The following POU5F1 variants were observed in gnomAD, a reference collection of about 807,000 sequenced individuals.
The protein encoded by POU5F1 is POU class 5 homeobox 1, also known as POU domain, class 5, transcription factor 1.
Under a neutral mutation model 38.3 loss-of-function variants are expected in POU5F1, and 6 were observed. That is an observed-to-expected ratio of 0.16 (90% CI 0.09 to 0.31). The LOEUF is 0.31. POU5F1 is among the 10% of genes least tolerant of loss of function. The pLI is 1.00. For synonymous variants in POU5F1, 147 were observed against 194.9 expected (o/e 0.75, Z 2.05); for missense variants, 286 against 462.6 (o/e 0.62, Z 3.50).
rs576269255 is a variant in POU5F1 at position 31,168,326 on chromosome 6, C to T, written c.405+1890G>A. Among the ~76,000 whole-genome samples, 8 of 151,798 alleles carry T rather than the reference C, an allele frequency of 5.3e-5. No homozygotes were observed. In the South Asian group the frequency reaches 8.4e-4, roughly 16 times the overall value. ...TCTCGGCTCACCGCAACCTCCATCT[C>T]CCAGGTTCAAGCGATTCTCCTGCCT... On this transcript the variant is annotated intron_variant, in intron 1 of 4. Transcript: ENST00000259915.
chr6:31,166,412 G>A (rs770180344), intron 1 of POU5F1: 2 of 1,375,880 alleles, frequency 1.5e-6, no homozygotes, highest in South Asian at 1.2e-5. Context: ...TATAATTCCA[G>A]CACTTTGGGA....
rs372831372 is a variant in POU5F1, at chr6:31,167,994, G to A, written c.406-1947C>T. On this transcript the variant is annotated intron_variant, in intron 1 of 4. Coordinates refer to ENST00000259915, the MANE Select transcript of POU5F1 (RefSeq NM_002701.6). ...ATCTCGTTCTATCGCCCAGGCTGGA[G>A]TGCTGTGGCGTGATCTTGGCTCACT... is the stretch of plus-strand genomic sequence containing the variant. Among the ~76,000 whole-genome samples, 3 of 152,118 alleles carry A rather than the reference G, an allele frequency of 2.0e-5. No homozygotes were observed. The East Asian group carries it at 5.8e-4, about 29-fold the overall frequency.
rs1208076129 is a variant in POU5F1, at chr6:31,164,861, G to A, written c.823C>T (p.Arg275Ter). The A allele has an allele frequency of 3.7e-6, 6 of 1,611,582 alleles. No individual in the cohort carries two copies. The Admixed American group carries it at 6.7e-5, about 18-fold the overall frequency. ...QQLGLEKDVV[R>*]VWFCNRRQKG... Reference sequence around the variant, plus strand: ...TGGCGCCGGTTACAGAACCACACTCGGACCACCTGCAAGTGAATGACAGAA... The same window carrying A: ...TGGCGCCGGTTACAGAACCACACTCAGACCACCTGCAAGTGAATGACAGAA... The change falls in exon 5 of 5, where the codon CGA (arginine) becomes TGA (stop). Residue 275 changes from arginine (R) to a stop codon, truncating the protein, a stop_gained. Transcript: ENST00000259915. LOFTEE classifies it high-confidence loss of function.
rs117585298 is a variant in POU5F1, at chr6:31,170,558, C to T, written c.63G>A (p.Gly21=). The T allele has an allele frequency of 5.2e-3, 8,165 of 1,569,662 alleles. 302 individuals are homozygous for T. The East Asian group carries it at 0.093, about 18-fold the overall frequency. ...CCCAGCCCGGCTCCGGCCCCCCTGG[C>T]CCATCACCTCCACCACCTGGAGGGG... The part of the protein sequence containing the change: ...FSPPPGGGGD[G]PGGPEPGWVD... The change falls in exon 1 of 5, where the codon GGG becomes GGA. Residue 21 remains glycine, a synonymous_variant. Transcript: ENST00000259915.
In POU5F1 at chr6:31,165,137, G is replaced by A. The variant is rs772966815; in HGVS notation, c.807C>T (p.Leu269=). 90 of 1,608,418 alleles carry A rather than the reference G, an allele frequency of 5.6e-5. No individual in the cohort carries two copies. The highest frequency in any genetic ancestry group is 6.9e-5 in the Non-Finnish European group (81 of 1,177,762). The part of the protein sequence containing the change: ...QISHIAQQLG[L]EKDVVRVWFC... ...GAGACATGGCACTCACATCCTTCTC[G>A]AGCCCAAGCTGCTGGGCGATGTGGC... The change falls in exon 4 of 5, where the codon CTC becomes CTT. Residue 269 remains leucine, a synonymous_variant. Coordinates refer to ENST00000259915, the MANE Select transcript of POU5F1 (RefSeq NM_002701.6). The surrounding 1 kb of genome is among the most constrained non-coding windows in gnomAD (Gnocchi z 6.5).
chr6:31,164,937 C>T, intron 4 of POU5F1, 70 bp from the exon 5 acceptor site: 1 of 1,570,696 alleles, frequency 6.4e-7, no homozygotes, highest in Non-Finnish European at 8.6e-7. Context: ...TCTGCTTGGA[C>T]ATTCTATCCA....
chr6:31,166,391 T>TATATA, intron 1 of POU5F1: 2 of 1,391,554 alleles, frequency 1.4e-6, no homozygotes, highest in Non-Finnish European at 1.9e-6. Context: ...CTGGGCGCGG[T>TATATA]GGCTCACGCC....
chr6:31,170,076 C>T (rs894516153), intron 1 of POU5F1, 140 bp downstream of exon 1: 2 of 1,386,422 alleles, frequency 1.4e-6, no homozygotes, highest in Non-Finnish European at 2.0e-6. Flanking sequence ...TGATACACAC[C>T]CCTCCCTGGC....
At position 31,165,266 on chromosome 6, in the gene POU5F1, G is replaced by T. The variant is rs780201728; in HGVS notation, c.678C>A (p.Leu226=). 6.2e-7 allele frequency: 1 copy of T among 1,610,958 alleles called. No homozygotes were observed. The highest frequency in any genetic ancestry group is 1.3e-5 in the African/African-American group (1 of 74,908). The change falls in exon 4 of 5, where the codon CTC becomes CTA. Residue 226 remains leucine, a synonymous_variant. Coordinates refer to ENST00000259915, the MANE Select transcript of POU5F1 (RefSeq NM_002701.6). This position sits in a 1 kb window ranked among gnomAD's most constrained non-coding sequence, Gnocchi z 6.5. ...NLQEICKAET[L]VQARKRKRTS... ...TTCGCTTTCTCTTTCGGGCCTGCAC[G>T]AGGGTTTCTGCTTTGCATATCTGTG...
intron 1 of POU5F1, chr6:31,169,941 G>C (rs60800887): frequency 0.013 from 7,414 of 585,576 alleles, 282 homozygotes; most frequent in East Asian, 0.11. Context: ...GGCTGGGCCA[G>C]AGCAAAGGCC....
chr6:31,170,591 G>A lies in POU5F1; in HGVS notation c.30C>T (p.Ala10=). MAGHLASDF[A]FSPPPGGGGD... Reference sequence around the variant, plus strand: ...CTCCACCACCTGGAGGGGGCGAGAAGGCGAAATCCGAAGCCAGGTGTCCCG... The same window carrying A: ...CTCCACCACCTGGAGGGGGCGAGAAAGCGAAATCCGAAGCCAGGTGTCCCG... Residue 10 remains alanine (A), a synonymous_variant, in exon 1 of 5, where the codon GCC becomes GCT. Coordinates refer to ENST00000259915, the MANE Select transcript of POU5F1 (RefSeq NM_002701.6). 6.4e-7 allele frequency: 1 copy of A among 1,563,828 alleles called. No individual in the cohort carries two copies. The highest frequency in any genetic ancestry group is 8.7e-7 in the Non-Finnish European group (1 of 1,155,154).
In POU5F1 at chr6:31,165,866, C is replaced by T. The variant is rs534141870; in HGVS notation, c.526+61G>A. On this transcript the variant is annotated intron_variant, in intron 2 of 4. Transcript: ENST00000259915. The surrounding 1 kb of genome is among the most constrained non-coding windows in gnomAD (Gnocchi z 6.5). ...GGTAGTCTGCCCCTGCCCCTCCCCA[C>T]TAGGTTCAGGGATACTCCTTAGAGG... is the stretch of plus-strand genomic sequence containing the variant. 8 of 1,607,136 alleles carry T rather than the reference C, an allele frequency of 5.0e-6. No individual in the cohort carries two copies. The African/African-American group carries it at 1.1e-4, about 21-fold the overall frequency.
In POU5F1 at chr6:31,166,304, G is replaced by A. The variant is rs920359564; in HGVS notation, c.406-257C>T. On this transcript the variant is annotated intron_variant, in intron 1 of 4. Coordinates refer to ENST00000259915, the MANE Select transcript of POU5F1 (RefSeq NM_002701.6). Reference sequence around the variant, plus strand: ...GAAACTGGCACATCCAAGGGATGCAGAGCATCGTGAAAGGACAGAAAGAGA... The same window carrying A: ...GAAACTGGCACATCCAAGGGATGCAAAGCATCGTGAAAGGACAGAAAGAGA... The A allele has an allele frequency of 2.7e-6, 4 of 1,508,792 alleles. No homozygotes were observed. The African/African-American group carries it at 5.5e-5, about 21-fold the overall frequency. 93.5% of individuals were successfully genotyped at this position (1,508,792 alleles called of 1,614,324 possible).
rs907643738 is a variant in POU5F1 at position 31,166,517 on chromosome 6, G to A, written c.406-470C>T. The A allele has an allele frequency of 6.8e-6, 7 of 1,022,104 alleles. No individual in the cohort carries two copies. The African/African-American group carries it at 9.8e-5, about 14-fold the overall frequency. 63.3% of individuals were successfully genotyped at this position (1,022,104 alleles called of 1,614,324 possible). On this transcript the variant is annotated intron_variant, in intron 1 of 4. Transcript: ENST00000259915. ...CTACTAAAAACACAAAAATTAGCTG[G>A]GCACGGTGGCACGCACCTGTAATCC...
rs925432227 is a variant in POU5F1, at chr6:31,165,811, T to C, written c.527-110A>G. ...CCCAGAGGGAGCTCAAAGCATCTTC[T>C]CCCTCTCCCTACTCCTCTTCATGGG... On this transcript the variant is annotated intron_variant, in intron 2 of 4. Transcript: ENST00000259915. This position sits in a 1 kb window ranked among gnomAD's most constrained non-coding sequence, Gnocchi z 6.5. The C allele has an allele frequency of 1.9e-6, 3 of 1,539,870 alleles. No individual in the cohort carries two copies. The highest frequency in any genetic ancestry group is 2.6e-6 in the Non-Finnish European group (3 of 1,141,804).
chr6:31,169,185 A>C (rs1280206226), intron 1 of POU5F1, among the ~76,000 whole-genome samples: 1 of 152,162 alleles, frequency 6.6e-6, no homozygotes, highest in Non-Finnish European at 1.5e-5. Flanking sequence ...GTGCTGGTTA[A>C]TGAGATAATG....
rs1455194086 is a variant in POU5F1 at position 31,165,655 on chromosome 6, C to G, written c.573G>C (p.Gln191His). ...GCTTACACATGTTCTTGAAGCTAAGCTGCAGAGCCTCAAAGCGGCAGATGG... is the reference window on the plus strand; with the variant it reads ...GCTTACACATGTTCTTGAAGCTAAGGTGCAGAGCCTCAAAGCGGCAGATGG... ...QTTICRFEALQLSFKNMCKLR... is the reference protein window; with the variant it reads ...QTTICRFEALHLSFKNMCKLR... Residue 191 changes from glutamine (Q) to histidine (H), a missense_variant, in exon 3 of 5, where the codon CAG becomes CAC. By Grantham distance (24) the Gln-to-His change is conservative. Coordinates refer to ENST00000259915, the MANE Select transcript of POU5F1 (RefSeq NM_002701.6). The surrounding 1 kb of genome is among the most constrained non-coding windows in gnomAD (Gnocchi z 6.5). 1 of 1,613,946 alleles carries G rather than the reference C, an allele frequency of 6.2e-7. No homozygotes were observed. Among genetic ancestry groups the G allele is most frequent in the Non-Finnish European group, 8.5e-7 (1 of 1,179,952 alleles).
chr6:31,170,553 C>T lies in POU5F1; in HGVS notation c.68G>A (p.Gly23Glu). 1 of 1,570,498 alleles carries T rather than the reference C, an allele frequency of 6.4e-7. No homozygotes were observed. ...ATCAACCCAGCCCGGCTCCGGCCCC[C>T]CTGGCCCATCACCTCCACCACCTGG... ...PPPGGGGDGPGGPEPGWVDPR... is the reference protein window; with the variant it reads ...PPPGGGGDGPEGPEPGWVDPR... Residue 23 changes from glycine to glutamate, a missense_variant, in exon 1 of 5, where the codon GGG becomes GAG. Transcript: ENST00000259915.
intron 1 of POU5F1, chr6:31,166,726 C>T: frequency 8.5e-7 from 1 of 1,175,662 alleles, no homozygotes; most frequent in Non-Finnish European, 1.1e-6. Context: ...GTATCACCCC[C>T]AGTTTAAGGA....
Sources: gnomAD v4.1 joint callset for allele counts (sites outside exome capture counted in the v4.1 genomes callset) on GRCh38, gnomAD v4.1.1 for gene constraint, Gnocchi (gnomAD v3.1) non-coding constraint, MANE v1.5 for transcripts, NCBI Gene and HGNC (gene_info 2026-07-23, HGNC 2026-07-21) for gene names.